PAN3: variants seen among roughly 807,000 people sequenced by gnomAD.
PAN3 encodes poly(A) specific ribonuclease subunit PAN3.
In PAN3, 19 loss-of-function variants were observed where a neutral mutation model predicts 96.2. The observed-to-expected ratio is 0.20, with a 90% CI of 0.14 to 0.29. The LOEUF is 0.29. Among genes scored for constraint, PAN3 ranks in the 10% least tolerant of loss-of-function variants. The probability of loss-of-function intolerance (pLI) is 1.00; values close to 1 mark genes in which losing one functional copy is unlikely to be tolerated. For missense variants in PAN3, 882 were observed against 1,108.1 expected (o/e 0.80, Z 2.90); for synonymous variants, 433 against 406.6 (o/e 1.06, Z -0.78).
At chr13:28,158,016 C>G (rs1232947011) in intron 1 of PAN3, among the ~76,000 whole-genome samples, 1 of 152,108 alleles carries the variant, frequency 6.6e-6, no homozygotes, top group African/African-American at 2.4e-5. Context: ...ACCAATAGAA[C>G]AGAATAGAGA....
chr13:28,257,482 A>G (rs926341729), intron 7 of PAN3, among the ~76,000 whole-genome samples: 1 of 151,456 alleles, frequency 6.6e-6, no homozygotes, highest in African/African-American at 2.4e-5. Flanking sequence ...ACCAGGCCGC[A>G]CAGCAGGAGG....
In PAN3 at chr13:28,277,387, A is replaced by T; in HGVS notation, c.2189+11A>T. 1 of 1,605,048 alleles carries T rather than the reference A, an allele frequency of 6.2e-7. No individual in the cohort carries two copies. The highest frequency in any genetic ancestry group is 8.5e-7 in the Non-Finnish European group (1 of 1,175,216). Reference sequence around the variant, plus strand: ...GAAGAATCTGATTTTGTAAGTTTTAATATATGATAAATTGTACAGAATGAT... The same window carrying T: ...GAAGAATCTGATTTTGTAAGTTTTATTATATGATAAATTGTACAGAATGAT... On this transcript the variant is annotated intron_variant, in intron 15 of 18. Transcript: ENST00000380958.
At chr13:28,198,608 A>G (rs1878350717) in intron 5 of PAN3, among the ~76,000 whole-genome samples, 1 of 152,196 alleles carries the variant, frequency 6.6e-6, no homozygotes, top group Admixed American at 6.5e-5. Context: ...TTTAATCTGG[A>G]TTATAATTTT....
chr13:28,160,347 C>T (rs902832913), intron 1 of PAN3, among the ~76,000 whole-genome samples: 4 of 152,078 alleles, frequency 2.6e-5, no homozygotes, highest in Admixed American at 6.6e-5. Context: ...AAGGGAGTAA[C>T]GCTAAGGACA....
At chr13:28,196,948 A>G (rs746500637) in intron 4 of PAN3, among the ~76,000 whole-genome samples, 2 of 152,128 alleles carry the variant, frequency 1.3e-5, no homozygotes, top group Non-Finnish European at 2.9e-5. Context: ...TTTTCTAAAA[A>G]CATCTGTTGC....
At chr13:28,240,170 A>T (rs1040111432) in intron 6 of PAN3, 2 of 152,156 alleles carry the variant, frequency 1.3e-5, no homozygotes, top group Non-Finnish European at 2.9e-5. Flanking sequence ...TATTAATAAG[A>T]TATAATGAAT....
intron 6 of PAN3, among the ~76,000 whole-genome samples, chr13:28,231,777 C>T (rs1489520656): frequency 6.6e-6 from 1 of 152,124 alleles, no homozygotes; most frequent in Non-Finnish European, 1.5e-5. Context: ...TGGCACACAC[C>T]TGTAGTCCCA....
chr13:28,280,286 T>G, intron 15 of PAN3, 126 bp from the exon 16 acceptor site: 1 of 1,133,076 alleles, frequency 8.8e-7, no homozygotes, highest in Non-Finnish European at 1.2e-6. Flanking sequence ...TTGACTTGCA[T>G]GAATTAAAAT....
chr13:28,267,251 A>G, intron 11 of PAN3, 40 bp downstream of exon 11: 3 of 1,612,236 alleles, frequency 1.9e-6, no homozygotes, highest in Non-Finnish European at 2.5e-6. Context: ...GGTGAGCTTC[A>G]TTATTTGAAG....
chr13:28,261,382 T>A lies in PAN3; in HGVS notation c.1354-19T>A. 2.2e-6 allele frequency: 3 copies of A among 1,384,830 alleles called. No individual in the cohort carries two copies. The highest frequency in any genetic ancestry group is 1.9e-6 in the Non-Finnish European group (2 of 1,058,028). 85.8% of individuals were successfully genotyped at this position (1,384,830 alleles called of 1,614,324 possible). ...CAGAATCTGTGTTTAAATAAAAATA[T>A]ACTTATTTTGTTTCATAGGAGCTGA... On this transcript the variant is annotated intron_variant, in intron 8 of 18. Coordinates refer to ENST00000380958, the MANE Select transcript of PAN3 (RefSeq NM_175854.8).
chr13:28,147,226 A>G (rs1272899640), intron 1 of PAN3, among the ~76,000 whole-genome samples: 1 of 152,194 alleles, frequency 6.6e-6, no homozygotes, highest in Non-Finnish European at 1.5e-5. Flanking sequence ...GTGAAAATAC[A>G]TTTCTTTGCA....
chr13:28,201,541 A>G (rs971128389), intron 5 of PAN3, among the ~76,000 whole-genome samples: 9 of 151,742 alleles, frequency 5.9e-5, no homozygotes, highest in Non-Finnish European at 1.2e-4. Context: ...GCAAGACTCC[A>G]TCTCAAAATA....
intron 17 of PAN3, among the ~76,000 whole-genome samples, chr13:28,283,519 A>G (rs1266801199): frequency 6.6e-6 from 1 of 152,114 alleles, no homozygotes; most frequent in Non-Finnish European, 1.5e-5. Context: ...CTTCTGTATT[A>G]TTCCAGAGTT....
intron 5 of PAN3, among the ~76,000 whole-genome samples, chr13:28,212,346 C>CG (rs1880147134): frequency 6.6e-6 from 1 of 152,118 alleles, no homozygotes; most frequent in Admixed American, 6.6e-5. Flanking sequence ...TAGAATGAAA[C>CG]TAATTTGTAA....
chr13:28,280,306 AT>A, intron 15 of PAN3, 105 bp from the exon 16 acceptor site: 1 of 1,321,222 alleles, frequency 7.6e-7, no homozygotes. Flanking sequence ...TGTTTTCAAA[AT>A]TTTGTGTGCT....
chr13:28,173,141 T>C (rs550061831), intron 1 of PAN3, among the ~76,000 whole-genome samples: 1 of 152,342 alleles, frequency 6.6e-6, no homozygotes, highest in Admixed American at 6.5e-5. Context: ...GGTTAATTTA[T>C]AGCTACTTAC....
chr13:28,142,452 CT>C (rs1373556952), intron 1 of PAN3, among the ~76,000 whole-genome samples: 1 of 151,400 alleles, frequency 6.6e-6, no homozygotes, highest in Admixed American at 6.6e-5. Flanking sequence ...TAGGTGTGAG[CT>C]ACCACATCTG....
At chr13:28,241,023 G>T (rs1490343662) in intron 6 of PAN3, among the ~76,000 whole-genome samples, 1 of 152,178 alleles carries the variant, frequency 6.6e-6, no homozygotes, top group African/African-American at 2.4e-5. Context: ...ACTTTGCTGG[G>T]AACCGAGGTG....
At chr13:28,247,695 A>G (rs777646203) in intron 6 of PAN3, among the ~76,000 whole-genome samples, 3 of 152,112 alleles carry the variant, frequency 2.0e-5, no homozygotes, top group South Asian at 2.1e-4. Context: ...CTTTTCCCCA[A>G]TAGGTGTTCT....
Sources: allele counts gnomAD v4.1 joint callset (sites outside exome capture counted in the v4.1 genomes callset), GRCh38; gene constraint gnomAD v4.1.1; transcripts MANE v1.5; gene names NCBI Gene and HGNC (gene_info 2026-07-23, HGNC 2026-07-21).